BTC: variants seen among roughly 807,000 people sequenced by gnomAD.
BTC encodes probetacellulin.
Under a neutral mutation model 18.1 loss-of-function variants are expected in BTC, and 13 were observed. That is an observed-to-expected ratio of 0.72 (90% CI 0.47 to 1.14). The LOEUF is 1.14. Among genes scored for constraint, BTC ranks in the 50% most tolerant of loss-of-function variants. The probability of loss-of-function intolerance (pLI) is 0.00; values close to 1 mark genes in which losing one functional copy is unlikely to be tolerated. For synonymous variants in BTC, 83 were observed against 79.4 expected (o/e 1.05, Z -0.24); for missense variants, 247 against 224.2 (o/e 1.10, Z -0.65).
chr4:74,748,316 A>G (rs1370670613), intron 4 of BTC, among the ~76,000 whole-genome samples, 167 bp from the exon 5 acceptor site: 1 of 152,186 alleles, frequency 6.6e-6, no homozygotes, highest in African/African-American at 2.4e-5. Flanking sequence ...TGGGAGGCCG[A>G]GGCAGGTGGA....
chr4:74,783,294 G>A (rs1463610172), intron 1 of BTC, among the ~76,000 whole-genome samples: 1 of 152,036 alleles, frequency 6.6e-6, no homozygotes, highest in Non-Finnish European at 1.5e-5. Context: ...TAAAGAAGGG[G>A]TCCAGTTTCC....
intron 1 of BTC, among the ~76,000 whole-genome samples, chr4:74,773,237 G>T (rs1725090734): frequency 6.6e-6 from 1 of 152,096 alleles, no homozygotes; most frequent in Non-Finnish European, 1.5e-5. Flanking sequence ...ATAGTGGAAG[G>T]TCTCGCAAGA....
At position 74,794,341 on chromosome 4, in the gene BTC, G is replaced by A; in HGVS notation, c.-16C>T. 1.9e-6 allele frequency: 3 copies of A among 1,540,580 alleles called. No homozygotes were observed. The South Asian group carries it at 3.6e-5, about 18-fold the overall frequency. ...CCCGGTCCATCAACCCCGCTCTGCC[G>A]GGCCGGGCAGCCCCTAGACAAGTCT... On this transcript the variant is annotated 5_prime_UTR_variant, in exon 1 of 6. Transcript: ENST00000395743.
chr4:74,782,341 T>G (rs1235470817), intron 1 of BTC, among the ~76,000 whole-genome samples: 2 of 152,180 alleles, frequency 1.3e-5, no homozygotes, highest in African/African-American at 4.8e-5. Flanking sequence ...CGCTTATAAG[T>G]GAGAACAATG....
chr4:74,791,584 T>A (rs532921115), intron 1 of BTC, among the ~76,000 whole-genome samples: 35 of 152,340 alleles, frequency 2.3e-4, no homozygotes, highest in African/African-American at 8.2e-4. Context: ...AATCTGCTTA[T>A]GGTATACCTT....
At chr4:74,773,970 G>A (rs1577962814) in intron 1 of BTC, among the ~76,000 whole-genome samples, 1 of 115,260 alleles carries the variant, frequency 8.7e-6, no homozygotes, top group South Asian at 3.1e-4. Flanking sequence ...TAATGCAGAA[G>A]TAATAGGATA....
rs538955029 is a variant in BTC at position 74,751,222 on chromosome 4, A to G, written c.282-503T>C. On this transcript the variant is annotated intron_variant, in intron 3 of 5. Transcript: ENST00000395743. ...TAACACAATGTTCCATAAACGTTAG[A>G]TAGAGAGAATGTTCCATAAGTGTTA... Among the ~76,000 whole-genome samples the G allele has an allele frequency of 1.3e-4, 20 of 152,334 alleles. 2 individuals are homozygous for G. The South Asian group carries it at 3.3e-3, about 25-fold the overall frequency.
At chr4:74,773,707 G>A (rs895801493) in intron 1 of BTC, among the ~76,000 whole-genome samples, 5 of 152,086 alleles carry the variant, frequency 3.3e-5, no homozygotes, top group Admixed American at 6.5e-5. Flanking sequence ...CGCCTCCTGG[G>A]TTCAAGCAAT....
At chr4:74,778,061 A>T (rs1231095245) in intron 1 of BTC, among the ~76,000 whole-genome samples, 1 of 151,224 alleles carries the variant, frequency 6.6e-6, no homozygotes, top group Non-Finnish European at 1.5e-5. Context: ...GAGTGAAAAT[A>T]ATGTTTAACA....
At chr4:74,751,261 T>C (rs1333313498) in intron 3 of BTC, among the ~76,000 whole-genome samples, 1 of 152,168 alleles carries the variant, frequency 6.6e-6, no homozygotes, top group South Asian at 2.1e-4. Flanking sequence ...CTACAGAATT[T>C]CTTTCGTCTT....
chr4:74,746,782 T>C (rs187595456), intron 5 of BTC, 107 bp from the exon 6 acceptor site: 116 of 143,992 alleles, frequency 8.1e-4, no homozygotes, highest in African/African-American at 2.5e-3. Flanking sequence ...AATTCAATAA[T>C]GTTGTTTTTG....
chr4:74,762,514 G>A (rs1724787774), intron 2 of BTC, among the ~76,000 whole-genome samples: 1 of 152,022 alleles, frequency 6.6e-6, no homozygotes, highest in African/African-American at 2.4e-5. Flanking sequence ...AAGTGTACTT[G>A]TTGATGATGA....
At chr4:74,776,531 C>T (rs1725180072) in intron 1 of BTC, among the ~76,000 whole-genome samples, 1 of 152,086 alleles carries the variant, frequency 6.6e-6, no homozygotes, top group African/African-American at 2.4e-5. Context: ...TTGAGATTCT[C>T]AAGTTAAATA....
intron 1 of BTC, among the ~76,000 whole-genome samples, chr4:74,778,124 G>A (rs1376544135): frequency 2.6e-5 from 4 of 151,976 alleles, no homozygotes; most frequent in African/African-American, 9.7e-5. Context: ...TAATGTTACA[G>A]CGTTCTCCTT....
At chr4:74,755,727 G>T (rs1207886945) in intron 3 of BTC, 132 bp downstream of exon 3, 3 of 798,626 alleles carry the variant, frequency 3.8e-6, no homozygotes, top group Non-Finnish European at 4.1e-6. Flanking sequence ...TAAACAAGTG[G>T]CTGGGGGCAG....
At chr4:74,792,878 C>T (rs1376075526) in intron 1 of BTC, among the ~76,000 whole-genome samples, 2 of 152,222 alleles carry the variant, frequency 1.3e-5, no homozygotes, top group African/African-American at 4.8e-5. Context: ...CACAGGTTAC[C>T]CTGCTGGGCT....
At chr4:74,752,059 C>A (rs1277031504) in intron 3 of BTC, among the ~76,000 whole-genome samples, 2 of 152,176 alleles carry the variant, frequency 1.3e-5, no homozygotes, top group Non-Finnish European at 2.9e-5. Flanking sequence ...TTAATCCTCA[C>A]AAAGCCTGTA....
Position 74,755,892 on chromosome 4 carries a change from C to T in BTC, c.248G>A (p.Arg83His), listed in dbSNP as rs199674256. The T allele has an allele frequency of 1.9e-6, 3 of 1,614,118 alleles. No homozygotes were observed. The highest frequency in any genetic ancestry group is 2.2e-5 in the East Asian group (1 of 44,876). The change falls in exon 3 of 6, where the codon CGC becomes CAC. Residue 83 changes from arginine (R) to histidine (H), a missense_variant. Transcript: ENST00000395743. The stretch of plus-strand genomic sequence containing the variant: ...GGGCGTCTGCTCGGCCACCACGAAG[C>T]GGCATCTCCCTTTGATGCAGTAATG... ...YKHYCIKGRC[R>H]FVVAEQTPSC...
At chr4:74,789,196 A>G (rs960843024) in intron 1 of BTC, among the ~76,000 whole-genome samples, 1 of 152,208 alleles carries the variant, frequency 6.6e-6, no homozygotes, top group African/African-American at 2.4e-5. Context: ...TAAGGAAACA[A>G]TTCAAAGCAC....
Sources: allele counts gnomAD v4.1 joint callset (sites outside exome capture counted in the v4.1 genomes callset), GRCh38; gene constraint gnomAD v4.1.1; transcripts MANE v1.5; gene names NCBI Gene and HGNC (gene_info 2026-07-23, HGNC 2026-07-21).